The following USP22 variants were observed in gnomAD, a reference collection of about 807,000 sequenced individuals.
The protein encoded by USP22 is ubiquitin specific peptidase 22.
Under a neutral mutation model 68.1 loss-of-function variants are expected in USP22, and 22 were observed. That is an observed-to-expected ratio of 0.32 (90% CI 0.23 to 0.46). The LOEUF is 0.46. Among genes scored for constraint, USP22 ranks in the 20% least tolerant of loss-of-function variants. The pLI, the probability that USP22 is intolerant of heterozygous loss-of-function variation, is 1.00. For missense variants in USP22, 433 were observed against 695.8 expected (o/e 0.62, Z 4.25); for synonymous variants, 279 against 274.2 (o/e 1.02, Z -0.17).
intron 2 of USP22, among the ~76,000 whole-genome samples, chr17:21,023,502 G>A (rs986801556): frequency 2.6e-5 from 4 of 151,984 alleles, no homozygotes; most frequent in South Asian, 4.2e-4. Context: ...AAAATTAGCC[G>A]GGTGTGGTGG....
chr17:21,039,449 T>C (rs763383792), intron 1 of USP22, among the ~76,000 whole-genome samples: 3 of 151,852 alleles, frequency 2.0e-5, no homozygotes, highest in Non-Finnish European at 4.4e-5. Context: ...TGGTGGCGCA[T>C]GCCTGTAATC....
intron 8 of USP22, among the ~76,000 whole-genome samples, chr17:21,010,676 A>G (rs2143538612): frequency 6.6e-6 from 1 of 152,176 alleles, no homozygotes; most frequent in Admixed American, 6.5e-5. Context: ...AAAAAAAAAA[A>G]AAAATCACTT....
intron 6 of USP22, among the ~76,000 whole-genome samples, chr17:21,013,168 C>T (rs1567792220): frequency 6.6e-6 from 1 of 152,224 alleles, no homozygotes; most frequent in South Asian, 2.1e-4. Flanking sequence ...AAGAGCCCCA[C>T]AGCTTCAGTC....
At position 21,042,739 on chromosome 17, in the gene USP22, TG is replaced by T; in HGVS notation, c.96del (p.Asp32GlufsTer74). 1 of 1,488,974 alleles carries T rather than the reference TG, an allele frequency of 6.7e-7. No individual in the cohort carries two copies. The highest frequency in any genetic ancestry group is 8.9e-7 in the Non-Finnish European group (1 of 1,118,890). 92.2% of individuals were successfully genotyped at this position (1,488,974 alleles called of 1,614,324 possible). A position where few individuals can be genotyped will look rare whatever the true frequency, so the allele number is the denominator to read the frequency against. On this transcript the variant is annotated frameshift_variant, in exon 1 of 13. Coordinates refer to ENST00000261497, the MANE Select transcript of USP22 (RefSeq NM_015276.2). LOFTEE classifies it high-confidence loss of function. ...GCSHLGSFKV[D>X]NWKQNLRAIY... Reference sequence around the variant, plus strand: ...ATGGCCCGCAGGTTCTGCTTCCAGTTGTCCACCTTGAAGCTGCCCAGGTGCG... The same window carrying T: ...ATGGCCCGCAGGTTCTGCTTCCAGTTTCCACCTTGAAGCTGCCCAGGTGCG...
intron 3 of USP22, among the ~76,000 whole-genome samples, chr17:21,020,277 A>C (rs1488315901): frequency 2.0e-5 from 3 of 151,044 alleles, no homozygotes; most frequent in Non-Finnish European, 4.4e-5. Flanking sequence ...AAAGGAAAAA[A>C]AACTCAGGGA....
chr17:21,009,143 C>T (rs1462556299), intron 8 of USP22, among the ~76,000 whole-genome samples: 1 of 149,050 alleles, frequency 6.7e-6, no homozygotes, highest in Non-Finnish European at 1.5e-5. Context: ...AAGGTAATTT[C>T]CTGACCGTGC....
chr17:21,023,959 T>C (rs759251562), intron 2 of USP22, among the ~76,000 whole-genome samples: 55 of 152,218 alleles, frequency 3.6e-4, no homozygotes, highest in Non-Finnish European at 2.9e-4. Context: ...TTTTATTCTA[T>C]TTCAGGTCTT....
At chr17:21,019,055 A>G (rs1201476158) in intron 4 of USP22, 29 bp downstream of exon 4, 2 of 1,606,724 alleles carry the variant, frequency 1.2e-6, no homozygotes, top group South Asian at 2.2e-5. Flanking sequence ...AAAGAAGCCT[A>G]GCTGAGAGTG....
At chr17:21,039,627 A>C (rs1006568396) in intron 1 of USP22, among the ~76,000 whole-genome samples, 8 of 152,132 alleles carry the variant, frequency 5.3e-5, no homozygotes, top group African/African-American at 1.9e-4. Context: ...AAGCCTGGTC[A>C]TGTTTTTGTC....
rs769050474 is a variant in USP22 at position 21,003,036 on chromosome 17, C to G, written c.1573G>C (p.Glu525Gln). The G allele has an allele frequency of 1.9e-6, 3 of 1,613,832 alleles. No homozygotes were observed. Among genetic ancestry groups the G allele is most frequent in the Middle Eastern group, 1.7e-4 (1 of 6,008 alleles). ...CTGACCAGCTGCAGATAAGGCTACT[C>G]GTATTCCAGGAACTGTTTGTGATAG... ...LFYHKQFLEY[E>Q] Residue 525 changes from glutamate (E) to glutamine (Q), a missense_variant, in exon 13 of 13, where the codon GAG becomes CAG. By Grantham distance (29) the Glu-to-Gln change is conservative. This residue lies in a region of USP22 where 178 missense variants were observed against 351.5 expected (regional missense o/e 0.51). Transcript: ENST00000261497.
intron 7 of USP22, 67 bp downstream of exon 7, chr17:21,012,763 A>C (rs1914010364): frequency 7.1e-7 from 1 of 1,403,718 alleles, no homozygotes; most frequent in South Asian, 1.2e-5. Context: ...ACAGCTCTGG[A>C]GACTGGGAGG....
intron 1 of USP22, among the ~76,000 whole-genome samples, chr17:21,034,938 G>C (rs1421146432): frequency 6.6e-6 from 1 of 152,228 alleles, no homozygotes; most frequent in Non-Finnish European, 1.5e-5. Flanking sequence ...ATGGGGTTCA[G>C]TATTATCTGT....
chr17:21,024,770 A>G (rs139352324), intron 2 of USP22, among the ~76,000 whole-genome samples: 1 of 152,182 alleles, frequency 6.6e-6, no homozygotes, highest in Non-Finnish European at 1.5e-5. Flanking sequence ...AGTTCAAGAT[A>G]AGCCTTGGAA....
chr17:21,005,874 A>C (rs1913760716), intron 10 of USP22, among the ~76,000 whole-genome samples: 1 of 152,236 alleles, frequency 6.6e-6, no homozygotes, highest in South Asian at 2.1e-4. Flanking sequence ...TGTTGAGATG[A>C]GATCCTCCTG....
intron 8 of USP22, among the ~76,000 whole-genome samples, chr17:21,010,909 T>C (rs1913944889): frequency 6.6e-6 from 1 of 151,780 alleles, no homozygotes. Flanking sequence ...CATGCGGAGG[T>C]TGGAGTAGCA....
At chr17:21,023,010 G>A (rs1343548238) in intron 2 of USP22, among the ~76,000 whole-genome samples, 1 of 152,208 alleles carries the variant, frequency 6.6e-6, no homozygotes. Context: ...AATGAAATGA[G>A]ATCATGTCGT....
At chr17:21,033,020 AG>A (rs1173619808) in intron 1 of USP22, among the ~76,000 whole-genome samples, 1 of 151,248 alleles carries the variant, frequency 6.6e-6, no homozygotes, top group African/African-American at 2.4e-5. Context: ...ACACATTTGC[AG>A]ACGATGCGGT....
intron 2 of USP22, among the ~76,000 whole-genome samples, chr17:21,022,386 TAAAA>T (rs1363015677): frequency 1.3e-5 from 2 of 151,930 alleles, no homozygotes; most frequent in Admixed American, 1.3e-4. Context: ...GTCAAAAAAA[TAAAA>T]TAAAATAAAA....
chr17:21,016,695 T>C (rs531135627), intron 5 of USP22, among the ~76,000 whole-genome samples: 4 of 152,320 alleles, frequency 2.6e-5, no homozygotes, highest in East Asian at 1.9e-4. Flanking sequence ...ACTTCCTGCA[T>C]GCATCCATCC....
Sources: gnomAD v4.1 joint callset for allele counts (sites outside exome capture counted in the v4.1 genomes callset) on GRCh38, gnomAD v4.1.1 for gene constraint, gnomAD v4.1.1 regional missense constraint, MANE v1.5 for transcripts, NCBI Gene and HGNC (gene_info 2026-07-23, HGNC 2026-07-21) for gene names.